Variants in PXDNL observed in about 807,000 individuals in gnomAD.
PXDNL encodes peroxidasin like.
PXDNL carries 145 observed loss-of-function variants against 150.8 expected under a neutral mutation model. That is an observed-to-expected ratio of 0.96 (90% CI 0.84 to 1.10). The LOEUF is 1.10. Among genes scored for constraint, PXDNL ranks in the 50% least tolerant of loss-of-function variants. PXDNL has a pLI of 0.00. For missense variants in PXDNL, 2,087 were observed against 1,873.9 expected, an observed-to-expected ratio of 1.11 and a Z score of -2.10; for synonymous variants, 757 against 725.7, an observed-to-expected ratio of 1.04 and a Z score of -0.69.
intron 2 of PXDNL, among the ~76,000 whole-genome samples, chr8:51,642,720 G>C (rs531082728): frequency 1.3e-5 from 2 of 152,256 alleles, no homozygotes; most frequent in African/African-American, 4.8e-5. Context: ...GGAAATAAAG[G>C]GTATTCAATT....
chr8:51,510,695 T>C (rs534409528), intron 4 of PXDNL, among the ~76,000 whole-genome samples: 1 of 152,252 alleles, frequency 6.6e-6, no homozygotes, highest in East Asian at 1.9e-4. Context: ...GGTGATATTT[T>C]GGAATTTAAG....
At chr8:51,597,719 C>CTT (rs1186776655) in intron 2 of PXDNL, among the ~76,000 whole-genome samples, 1 of 131,534 alleles carries the variant, frequency 7.6e-6, no homozygotes, top group Non-Finnish European at 1.6e-5. Context: ...CATTTTTTTT[C>CTT]TTTTTTTTTT....
intron 5 of PXDNL, among the ~76,000 whole-genome samples, chr8:51,498,431 T>TA (rs1269347072): frequency 1.5e-5 from 2 of 137,258 alleles, no homozygotes; most frequent in Non-Finnish European, 3.1e-5. Flanking sequence ...TAAAGTATAA[T>TA]AAAAAAATTA....
rs144505947 is a variant in PXDNL, at chr8:51,754,819, C to T, written c.164+54362G>A. ...CGCCCGGCCAAAAGTCAAGTCGTTT[C>T]TGACAGGTCATTTTTAACAAGTAGT... On this transcript the variant is annotated intron_variant, in intron 1 of 22. Coordinates refer to ENST00000356297, the MANE Select transcript of PXDNL (RefSeq NM_144651.5). Among the ~76,000 whole-genome samples, 226 of 152,158 alleles carry T rather than the reference C, an allele frequency of 1.5e-3. 1 individual carries two copies. The highest frequency in any genetic ancestry group is 5.2e-3 in the African/African-American group (214 of 41,538).
chr8:51,748,329 C>A (rs1021241426), intron 1 of PXDNL, among the ~76,000 whole-genome samples: 16 of 152,156 alleles, frequency 1.1e-4, no homozygotes, highest in Non-Finnish European at 1.5e-5. Context: ...TCTTTTAGTG[C>A]GTTTTTCAGA....
chr8:51,494,285 A>G (rs1216317706), intron 5 of PXDNL, among the ~76,000 whole-genome samples: 1 of 152,204 alleles, frequency 6.6e-6, no homozygotes. Context: ...AGGAAGCACT[A>G]AACATGGAAA....
intron 5 of PXDNL, among the ~76,000 whole-genome samples, chr8:51,490,231 AT>A: frequency 6.6e-6 from 1 of 152,204 alleles, no homozygotes; most frequent in Non-Finnish European, 1.5e-5. Flanking sequence ...TAAGACAATT[AT>A]TTTTGAAGTG....
intron 1 of PXDNL, among the ~76,000 whole-genome samples, chr8:51,778,270 A>C (rs1187295781): frequency 5.4e-5 from 2 of 37,282 alleles, no homozygotes; most frequent in African/African-American, 1.6e-4. Flanking sequence ...ACAGAGCAAG[A>C]ATCTGTCTCA....
At chr8:51,529,914 C>T (rs1033741461) in intron 4 of PXDNL, among the ~76,000 whole-genome samples, 5 of 151,876 alleles carry the variant, frequency 3.3e-5, no homozygotes, top group African/African-American at 9.7e-5. Context: ...CTGGCCTCTA[C>T]TTACAAGATG....
chr8:51,469,569 T>C (rs572924914), intron 8 of PXDNL, among the ~76,000 whole-genome samples: 16 of 152,160 alleles, frequency 1.1e-4, no homozygotes, highest in African/African-American at 3.9e-4. Context: ...TTGTGTCTAA[T>C]CAGTTTTTAA....
At chr8:51,740,012 T>C (rs2036887488) in intron 1 of PXDNL, among the ~76,000 whole-genome samples, 1 of 152,306 alleles carries the variant, frequency 6.6e-6, no homozygotes, top group East Asian at 1.9e-4. Flanking sequence ...ATCTGTATTC[T>C]TAAAATTACA....
At chr8:51,725,134 A>G (rs901404348) in intron 1 of PXDNL, among the ~76,000 whole-genome samples, 1 of 152,128 alleles carries the variant, frequency 6.6e-6, no homozygotes, top group South Asian at 2.1e-4. Flanking sequence ...CAACCATGTA[A>G]TAAGGTGCTG....
chr8:51,608,662 C>G (rs1238356909), intron 2 of PXDNL, among the ~76,000 whole-genome samples: 1 of 148,776 alleles, frequency 6.7e-6, no homozygotes, highest in Non-Finnish European at 1.5e-5. Flanking sequence ...ACGGTGAAAC[C>G]CCGTCTTTAC....
At chr8:51,524,339 T>G (rs1811724815) in intron 4 of PXDNL, among the ~76,000 whole-genome samples, 3 of 152,258 alleles carry the variant, frequency 2.0e-5, no homozygotes. Flanking sequence ...ATTAAAGTTC[T>G]TGCTGAGAAA....
chr8:51,522,573 G>A (rs907854386), intron 4 of PXDNL, among the ~76,000 whole-genome samples: 1 of 152,176 alleles, frequency 6.6e-6, no homozygotes, highest in Non-Finnish European at 1.5e-5. Context: ...GGCCGGGGCG[G>A]TGGCTCTCGC....
At chr8:51,416,321 T>C (rs1808799633) in intron 14 of PXDNL, among the ~76,000 whole-genome samples, 1 of 152,254 alleles carries the variant, frequency 6.6e-6, no homozygotes, top group Admixed American at 6.5e-5. Context: ...CAGAAGTTGA[T>C]ATAAAGTATA....
chr8:51,809,103 T>C, intron 1 of PXDNL, 78 bp downstream of exon 1: 2 of 1,479,994 alleles, frequency 1.4e-6, no homozygotes, highest in Non-Finnish European at 1.9e-6. Context: ...GAATCGTAAA[T>C]TAAAAGGACA....
At chr8:51,320,745 T>G in intron 22 of PXDNL, 39 bp downstream of exon 22, 1 of 1,390,126 alleles carries the variant, frequency 7.2e-7, no homozygotes, top group Non-Finnish European at 9.8e-7. Flanking sequence ...TGGCTAGAAG[T>G]GAAATGGGGA....
intron 3 of PXDNL, among the ~76,000 whole-genome samples, chr8:51,580,383 C>A (rs1813182479): frequency 6.6e-6 from 1 of 152,084 alleles, no homozygotes. Flanking sequence ...CAGAATAAAA[C>A]ATTTTATTTA....
Sources: gnomAD v4.1 joint callset for allele counts (sites outside exome capture counted in the v4.1 genomes callset) on GRCh38, gnomAD v4.1.1 for gene constraint, MANE v1.5 for transcripts, NCBI Gene and HGNC (gene_info 2026-07-23, HGNC 2026-07-21) for gene names.